The following DSCAML1 variants were observed in gnomAD, a reference collection of about 807,000 sequenced individuals.
The protein encoded by DSCAML1 is DS cell adhesion molecule like 1, also known as cell adhesion molecule DSCAML1.
DSCAML1 carries 38 observed loss-of-function variants against 200.5 expected under a neutral mutation model. The ratio of observed to expected loss-of-function variants is 0.19; its 90% CI spans 0.15 to 0.25. The LOEUF (loss-of-function observed/expected upper bound fraction) is 0.25. Ranked by LOEUF, DSCAML1 falls within the 10% of genes least tolerant of loss-of-function variation. The probability of loss-of-function intolerance (pLI) is 1.00; values close to 1 mark genes in which losing one functional copy is unlikely to be tolerated. For synonymous variants in DSCAML1, 1,215 were observed against 1,165.0 expected, an observed-to-expected ratio of 1.04 and a Z score of -0.87; for missense variants, 2,223 against 2,858.8, an observed-to-expected ratio of 0.78 and a Z score of 5.07.
intron 3 of DSCAML1, among the ~76,000 whole-genome samples, chr11:117,701,634 T>A (rs2137746571): frequency 6.6e-6 from 1 of 152,274 alleles, no homozygotes; most frequent in African/African-American, 2.4e-5. Flanking sequence ...TGTGTTTCCA[T>A]CCCATTCTCA....
Position 117,780,647 on chromosome 11 carries a change from C to T in DSCAML1, c.210G>A (p.Val70=). ...TGGCGTGGACGTGCCGGATGTGCGG[C>T]ACGTCGTAGATGTCGTCCCCTGTGG... ...YLATGDDIYD[V]PHIRHVHANG... Residue 70 remains valine (V), a synonymous_variant, in exon 2 of 33, where the codon GTG becomes GTA. Coordinates refer to ENST00000651296, the MANE Select transcript of DSCAML1 (RefSeq NM_020693.4). This position sits in a 1 kb window ranked among gnomAD's most constrained non-coding sequence, Gnocchi z 4.8. 6.3e-7 allele frequency: 1 copy of T among 1,589,646 alleles called. No homozygotes were observed. Among genetic ancestry groups the T allele is most frequent in the South Asian group, 1.1e-5 (1 of 87,668 alleles).
Position 117,428,422 on chromosome 11 carries a change from G to A in DSCAML1, c.6068C>T (p.Ser2023Phe). Reference protein sequence around the residue: ...AGGPHTKMGGSRDSLLEMSTS... With the variant: ...AGGPHTKMGGFRDSLLEMSTS... The stretch of plus-strand genomic sequence containing the variant: ...GCTCATCTCGAGAAGCGAGTCCCTG[G>A]AGCCCCCCATTTTGGTGTGTGGGCC... Residue 2023 changes from serine to phenylalanine, a missense_variant, in exon 33 of 33, where the codon TCC becomes TTC. Transcript: ENST00000651296. The A allele has an allele frequency of 6.4e-7, 1 of 1,555,270 alleles. No homozygotes were observed. Among genetic ancestry groups the A allele is most frequent in the Non-Finnish European group, 8.7e-7 (1 of 1,154,674 alleles).
intron 16 of DSCAML1, among the ~76,000 whole-genome samples, chr11:117,467,171 G>A (rs761302902): frequency 1.2e-4 from 17 of 146,538 alleles, no homozygotes; most frequent in South Asian, 4.2e-4. Context: ...CCAGGTGCGC[G>A]CACGCATGCG....
At chr11:117,436,318 C>T (rs2047914654) in intron 26 of DSCAML1, among the ~76,000 whole-genome samples, 1 of 152,200 alleles carries the variant, frequency 6.6e-6, no homozygotes. Flanking sequence ...GGCAAGTTCT[C>T]CTGCTGACAT....
At chr11:117,781,291 G>GAA (rs57780075) in intron 1 of DSCAML1, among the ~76,000 whole-genome samples, 30 of 118,544 alleles carry the variant, frequency 2.5e-4, no homozygotes, top group Middle Eastern at 5.0e-3. Context: ...ACTCTGTCTC[G>GAA]AAAAAAAAAA....
chr11:117,567,719 T>G (rs1057234864), intron 3 of DSCAML1, among the ~76,000 whole-genome samples: 7 of 152,192 alleles, frequency 4.6e-5, no homozygotes, highest in Non-Finnish European at 8.8e-5. Flanking sequence ...GCTGAAATTG[T>G]GGCAATAATC....
At chr11:117,745,066 A>G (rs932854553) in intron 3 of DSCAML1, among the ~76,000 whole-genome samples, 1 of 152,308 alleles carries the variant, frequency 6.6e-6, no homozygotes, top group Non-Finnish European at 1.5e-5. Context: ...GAGTGGGGGA[A>G]GCCAGGCATA....
In DSCAML1 at chr11:117,428,807, G is replaced by C; in HGVS notation, c.5687-4C>G. ...AGGGGCAGGTTGCAGTAGTCACCTG[G>C]AATCACAGAGGCAGAGGATGTTACA... is the stretch of plus-strand genomic sequence containing the variant. On this transcript the variant is annotated splice_polypyrimidine_tract_variant and splice_region_variant and intron_variant, in intron 32 of 32. Transcript: ENST00000651296. The C allele has an allele frequency of 6.3e-7, 1 of 1,589,896 alleles. No individual in the cohort carries two copies.
At chr11:117,521,862 A>AC (rs2049893189) in intron 5 of DSCAML1, among the ~76,000 whole-genome samples, 1 of 151,808 alleles carries the variant, frequency 6.6e-6, no homozygotes, top group African/African-American at 2.4e-5. Flanking sequence ...GGATCTGTGG[A>AC]CCCCCTGCTT....
chr11:117,771,819 A>AAT (rs930825030), intron 3 of DSCAML1, among the ~76,000 whole-genome samples: 38 of 152,216 alleles, frequency 2.5e-4, no homozygotes, highest in Admixed American at 2.0e-4. Context: ...GATTAGAGAT[A>AAT]ATATATATAA....
chr11:117,459,612 G>A (rs917387181), intron 18 of DSCAML1, among the ~76,000 whole-genome samples: 3 of 152,226 alleles, frequency 2.0e-5, no homozygotes, highest in Non-Finnish European at 2.9e-5. Flanking sequence ...AGGACCCAAC[G>A]TCCCAGCCCT....
At chr11:117,546,863 T>C (rs2050381987) in intron 3 of DSCAML1, among the ~76,000 whole-genome samples, 1 of 152,180 alleles carries the variant, frequency 6.6e-6, no homozygotes, top group Non-Finnish European at 1.5e-5. Context: ...CTAATTATGC[T>C]GTAATAAAAC....
chr11:117,530,561 T>C (rs2050058966), intron 4 of DSCAML1, among the ~76,000 whole-genome samples: 1 of 152,118 alleles, frequency 6.6e-6, no homozygotes, highest in Non-Finnish European at 1.5e-5. Flanking sequence ...ATGCCATAAA[T>C]ATTTACTCGG....
intron 1 of DSCAML1, among the ~76,000 whole-genome samples, chr11:117,804,779 AAGT>A (rs1410096468): frequency 6.6e-6 from 1 of 152,090 alleles, no homozygotes; most frequent in Non-Finnish European, 1.5e-5. Context: ...AAACATTTAA[AAGT>A]AGCCAGGCAC....
At chr11:117,607,046 A>G (rs75582258) in intron 3 of DSCAML1, among the ~76,000 whole-genome samples, 4,000 of 152,326 alleles carry the variant, frequency 0.026, 62 homozygotes, top group East Asian at 0.062. Flanking sequence ...ACAGTGTTCT[A>G]GGCACTAGCA....
At chr11:117,749,330 C>T (rs188585021) in intron 3 of DSCAML1, among the ~76,000 whole-genome samples, 196 of 152,318 alleles carry the variant, frequency 1.3e-3, no homozygotes, top group Non-Finnish European at 2.0e-3. Context: ...ATTCAGAGAG[C>T]GGCATGTACA....
rs149764918 is a variant in DSCAML1, at chr11:117,680,344, G to A, written c.511+96447C>T. The stretch of plus-strand genomic sequence containing the variant: ...GGCCCCTGACCCTCCTGTGGGTGCA[G>A]AGCCCCTGTAGCCCTGAGGGACATG... On this transcript the variant is annotated intron_variant, in intron 3 of 32. Transcript: ENST00000651296. 3.9e-5 allele frequency among the ~76,000 whole-genome samples: 6 copies of A among 152,324 alleles called. No individual in the cohort carries two copies. The East Asian group carries it at 1.2e-3, about 29-fold the overall frequency.
Position 117,602,150 on chromosome 11 carries a change from C to A in DSCAML1, c.512-69628G>T, listed in dbSNP as rs138111300. Among the ~76,000 whole-genome samples, 8 of 152,382 alleles carry A rather than the reference C, an allele frequency of 5.2e-5. No individual in the cohort carries two copies. The East Asian group carries it at 1.5e-3, about 29-fold the overall frequency. On this transcript the variant is annotated intron_variant, in intron 3 of 32. Transcript: ENST00000651296. ...CAGAGGTGCTGCCTTCTCACGACCT[C>A]TAAAAACAGAAGTTTAATTTATCAA...
chr11:117,439,960 C>G (rs1565680438), intron 21 of DSCAML1, 24 bp from the exon 22 acceptor site: 2 of 1,589,882 alleles, frequency 1.3e-6, no homozygotes, highest in Admixed American at 1.7e-5. Context: ...AGGATGAGGG[C>G]CACTCCACTT....
Sources: gnomAD v4.1 joint callset for allele counts (sites outside exome capture counted in the v4.1 genomes callset) on GRCh38, gnomAD v4.1.1 for gene constraint, Gnocchi (gnomAD v3.1) non-coding constraint, MANE v1.5 for transcripts, NCBI Gene and HGNC (gene_info 2026-07-23, HGNC 2026-07-21) for gene names.